Variants in PNKD observed in about 807,000 individuals in gnomAD.
The protein encoded by PNKD is probable thioesterase PNKD.
A neutral mutation model predicts 45.3 loss-of-function variants in PNKD; 36 were observed. That is an observed-to-expected ratio of 0.80 (90% CI 0.61 to 1.05). PNKD has a LOEUF of 1.05. PNKD is among the 50% of genes least tolerant of loss of function. The pLI is 0.00. For synonymous variants in PNKD, 197 were observed against 210.1 expected (o/e 0.94, Z 0.54); for missense variants, 511 against 506.6 (o/e 1.01, Z -0.08).
intron 2 of PNKD, chr2:218,279,668 G>A (rs1202295650): frequency 4.1e-6 from 2 of 487,696 alleles, no homozygotes; most frequent in Non-Finnish European, 7.4e-6. Flanking sequence ...CTATGCAGCT[G>A]TGAGATGGAG....
chr2:218,293,927 TAAAAAAAAAAA>T (rs56100300), intron 2 of PNKD, among the ~76,000 whole-genome samples: 3 of 118,894 alleles, frequency 2.5e-5, no homozygotes, highest in Admixed American at 1.7e-4. Context: ...AACAGAGATT[TAAAAAAAAAAA>T]AAAAAAAAAA....
chr2:218,324,594 C>T (rs1694088016), intron 2 of PNKD, among the ~76,000 whole-genome samples: 1 of 152,114 alleles, frequency 6.6e-6, no homozygotes. Context: ...GATAATGTGC[C>T]AAGTAAGTTA....
intron 2 of PNKD, among the ~76,000 whole-genome samples, chr2:218,306,688 C>T (rs572708255): frequency 3.2e-4 from 49 of 152,178 alleles, no homozygotes; most frequent in Non-Finnish European, 5.9e-4. Flanking sequence ...ACTCCCTCCC[C>T]GACAGTTCAC....
At chr2:218,302,921 GT>G (rs1364616574) in intron 2 of PNKD, among the ~76,000 whole-genome samples, 1 of 151,648 alleles carries the variant, frequency 6.6e-6, no homozygotes, top group Non-Finnish European at 1.5e-5. Context: ...AGGCCTGGAG[GT>G]TTTTTTTCTG....
intron 2 of PNKD, chr2:218,323,070 C>G (rs928178877): frequency 1.6e-5 from 14 of 895,370 alleles, no homozygotes; most frequent in African/African-American, 1.2e-4. Context: ...GGCCGCCCCC[C>G]AAGCCGGGTG....
chr2:218,294,196 C>G (rs541065697), intron 2 of PNKD, among the ~76,000 whole-genome samples: 1 of 152,296 alleles, frequency 6.6e-6, no homozygotes, highest in South Asian at 2.1e-4. Context: ...CCCCCTTGCT[C>G]AAGGAGTAGC....
At chr2:218,315,057 T>TTCCTTCCTTCCTTC (rs1553667776) in intron 2 of PNKD, among the ~76,000 whole-genome samples, 5 of 55,542 alleles carry the variant, frequency 9.0e-5, no homozygotes, top group African/African-American at 2.4e-4. Context: ...TTTCTTTCTT[T>TTCCTTCCTTCCTTC]CTTCCTTCCT....
At chr2:218,272,624 G>A (rs1218407527) in intron 2 of PNKD, 5 of 1,614,130 alleles carry the variant, frequency 3.1e-6, no homozygotes, top group Admixed American at 3.3e-5. Flanking sequence ...AGCGGGAAGT[G>A]GACAAGGACC....
intron 2 of PNKD, chr2:218,277,685 G>C: frequency 6.2e-7 from 1 of 1,614,156 alleles, no homozygotes; most frequent in Admixed American, 1.7e-5. Flanking sequence ...GGGAAGGAGA[G>C]AGACAAGAAT....
In PNKD at chr2:218,344,489, A is replaced by G. The variant is rs781726595; in HGVS notation, c.903A>G (p.Ala301=). 1 of 1,589,014 alleles carries G rather than the reference A, an allele frequency of 6.3e-7. No homozygotes were observed. Among genetic ancestry groups the G allele is most frequent in the South Asian group, 1.1e-5 (1 of 87,330 alleles). ...HEYAEENLGF[A]GVVEPENLAR... ...ATGCAGAGGAGAACCTGGGCTTTGC[A>G]GGTGTGGTGGAGCCCGAGAACCTGG... The change falls in exon 9 of 10, where the codon GCA becomes GCG. Residue 301 remains alanine (A), a synonymous_variant. Transcript: ENST00000273077.
At chr2:218,343,785 T>C (rs995396192) in intron 8 of PNKD, among the ~76,000 whole-genome samples, 199 bp downstream of exon 8, 2 of 152,192 alleles carry the variant, frequency 1.3e-5, no homozygotes, top group African/African-American at 4.8e-5. Flanking sequence ...CACCTCTGCT[T>C]CTCACACTAC....
intron 2 of PNKD, chr2:218,272,879 C>T (rs1690907143): frequency 5.7e-6 from 9 of 1,587,142 alleles, no homozygotes; most frequent in African/African-American, 1.3e-5. Flanking sequence ...GTTGCCAAAC[C>T]CTACCCTGCC....
intron 2 of PNKD, chr2:218,282,000 C>A: frequency 6.2e-7 from 1 of 1,607,012 alleles, no homozygotes; most frequent in East Asian, 2.2e-5. Context: ...GCAGGGTGAC[C>A]GTAGCCAGGC....
intron 9 of PNKD, 117 bp from the exon 10 acceptor site, chr2:218,344,691 G>C (rs1694778794): frequency 1.4e-6 from 2 of 1,391,418 alleles, no homozygotes; most frequent in Non-Finnish European, 2.0e-6. Flanking sequence ...TTTGGCCCAT[G>C]GGCCCTCAAG....
intron 2 of PNKD, among the ~76,000 whole-genome samples, chr2:218,296,834 T>C (rs561752338): frequency 6.6e-6 from 1 of 152,150 alleles, no homozygotes; most frequent in African/African-American, 2.4e-5. Context: ...CCCACCACAA[T>C]GCCCAGCTAA....
intron 2 of PNKD, chr2:218,277,979 A>C: frequency 6.2e-7 from 1 of 1,614,160 alleles, no homozygotes; most frequent in African/African-American, 1.3e-5. Context: ...CGGCGTCTGA[A>C]GGGAAAGAGA....
At chr2:218,280,110 A>G (rs1489484674) in intron 2 of PNKD, 3 of 1,613,958 alleles carry the variant, frequency 1.9e-6, no homozygotes, top group Non-Finnish European at 2.5e-6. Flanking sequence ...CCTCCCCATC[A>G]TAGCCATGGC....
intron 2 of PNKD, chr2:218,278,944 G>T: frequency 6.8e-7 from 1 of 1,478,916 alleles, no homozygotes; most frequent in Non-Finnish European, 9.3e-7. Context: ...CTCTCAAAAA[G>T]CATTTTGATC....
At chr2:218,277,746 G>T in intron 2 of PNKD, 1 of 1,594,086 alleles carries the variant, frequency 6.3e-7, no homozygotes, top group South Asian at 1.1e-5. Flanking sequence ...TGGCCATGGT[G>T]GCCTCTGCCA....
Sources: gnomAD v4.1 joint callset for allele counts (sites outside exome capture counted in the v4.1 genomes callset) on GRCh38, gnomAD v4.1.1 for gene constraint, MANE v1.5 for transcripts, NCBI Gene and HGNC (gene_info 2026-07-23, HGNC 2026-07-21) for gene names.